Variants in ERBIN observed in about 807,000 individuals in gnomAD.
The protein encoded by ERBIN is densin-180-like protein.
A neutral mutation model predicts 158.4 loss-of-function variants in ERBIN; 60 were observed. That is an observed-to-expected ratio of 0.38 (90% CI 0.31 to 0.47). The LOEUF (loss-of-function observed/expected upper bound fraction) is 0.47, where lower values mean the gene tolerates loss of function less well. Among genes scored for constraint, ERBIN ranks in the 20% least tolerant of loss-of-function variants. The pLI is 0.99. For missense variants in ERBIN, 1,610 were observed against 1,648.0 expected (o/e 0.98, Z 0.40); for synonymous variants, 594 against 557.2 (o/e 1.07, Z -0.93).
chr5:66,022,187 G>A (rs963639618), intron 8 of ERBIN, among the ~76,000 whole-genome samples: 4 of 152,054 alleles, frequency 2.6e-5, no homozygotes, highest in African/African-American at 9.7e-5. Context: ...GTACTTTGGA[G>A]TACCTCATTC....
chr5:65,977,287 G>T (rs1242921277), intron 1 of ERBIN, among the ~76,000 whole-genome samples: 1 of 150,908 alleles, frequency 6.6e-6, no homozygotes, highest in East Asian at 2.0e-4. Context: ...GGCTGGCCGG[G>T]CGGGGGGCTG....
intron 14 of ERBIN, among the ~76,000 whole-genome samples, chr5:66,031,328 T>G (rs1756852015): frequency 6.6e-6 from 1 of 152,234 alleles, no homozygotes; most frequent in Non-Finnish European, 1.5e-5. Flanking sequence ...CCTCATCCAT[T>G]TTGTGATTCT....
In ERBIN at chr5:66,013,582, A is replaced by T. The variant is rs1305229606; in HGVS notation, c.420A>T (p.Leu140=). The T allele has an allele frequency of 6.2e-7, 1 of 1,613,380 alleles. No homozygotes were observed. Residue 140 remains leucine, a synonymous_variant, in exon 6 of 26, where the codon CTA becomes CTT. Coordinates refer to ENST00000284037, the MANE Select transcript of ERBIN (RefSeq NM_001253697.2). ...ATGGATTTTCTCAGCTGTTAAACCTAACCCAGTTGTATCTGAATGATGCTT... is the reference window on the plus strand; with the variant it reads ...ATGGATTTTCTCAGCTGTTAAACCTTACCCAGTTGTATCTGAATGATGCTT... ...LPDGFSQLLN[L]TQLYLNDAFL...
chr5:65,935,790 T>C (rs1317620610), intron 1 of ERBIN, among the ~76,000 whole-genome samples: 1 of 152,198 alleles, frequency 6.6e-6, no homozygotes, highest in Admixed American at 6.5e-5. Flanking sequence ...AGTGGCATGA[T>C]CACTGCTCAC....
intron 11 of ERBIN, 23 bp downstream of exon 11, chr5:66,025,575 C>A (rs768100323): frequency 9.7e-6 from 15 of 1,540,576 alleles, no homozygotes; most frequent in Middle Eastern, 3.5e-4. Context: ...TGAATGTATA[C>A]ACCCTCGAAG....
chr5:66,070,725 CAA>C (rs376061418), intron 21 of ERBIN, among the ~76,000 whole-genome samples: 123 of 152,254 alleles, frequency 8.1e-4, no homozygotes, highest in African/African-American at 2.6e-3. Flanking sequence ...CATAAATACA[CAA>C]AATTAGATCA....
At chr5:66,021,470 AT>A (rs1755679301) in intron 8 of ERBIN, 85 bp downstream of exon 8, 1 of 1,024,590 alleles carries the variant, frequency 9.8e-7, no homozygotes, top group Admixed American at 2.6e-5. Context: ...TCTCTTACAA[AT>A]TGGATAAAGG....
intron 1 of ERBIN, among the ~76,000 whole-genome samples, chr5:65,936,943 C>T (rs1744163347): frequency 6.6e-6 from 1 of 152,052 alleles, no homozygotes; most frequent in Non-Finnish European, 1.5e-5. Flanking sequence ...GCATTTTTGA[C>T]CAAAATGGGT....
chr5:66,041,253 C>A (rs1757892324), intron 15 of ERBIN, among the ~76,000 whole-genome samples: 1 of 151,920 alleles, frequency 6.6e-6, no homozygotes, highest in African/African-American at 2.4e-5. Flanking sequence ...TTTGGAAGAA[C>A]AGGTGTAGTG....
chr5:65,939,428 C>T (rs1358357347), intron 1 of ERBIN, among the ~76,000 whole-genome samples: 1 of 152,136 alleles, frequency 6.6e-6, no homozygotes, highest in African/African-American at 2.4e-5. Context: ...CAGGATGAGA[C>T]TCCATCTCCA....
chr5:66,065,649 GTGTGTGTGTGTT>G (rs1348099607), intron 21 of ERBIN, among the ~76,000 whole-genome samples: 1 of 97,902 alleles, frequency 1.0e-5, no homozygotes, highest in East Asian at 3.2e-4. Flanking sequence ...GTGTGTGTGT[GTGTGTGTGTGTT>G]TTGCTTTGTA....
chr5:66,032,498 A>G (rs538565859), intron 14 of ERBIN, among the ~76,000 whole-genome samples: 1 of 152,230 alleles, frequency 6.6e-6, no homozygotes, highest in Non-Finnish European at 1.5e-5. Context: ...TGTTCATTCT[A>G]GTCATGATCA....
intron 1 of ERBIN, among the ~76,000 whole-genome samples, chr5:65,972,486 A>T (rs926942488): frequency 1.5e-4 from 22 of 151,594 alleles, no homozygotes; most frequent in African/African-American, 5.1e-4. Flanking sequence ...ACTTGGCACT[A>T]AGCACCCCAT....
At chr5:66,072,468 T>C (rs1761618386) in intron 22 of ERBIN, among the ~76,000 whole-genome samples, 177 bp downstream of exon 22, 2 of 152,258 alleles carry the variant, frequency 1.3e-5, no homozygotes, top group Non-Finnish European at 2.9e-5. Flanking sequence ...CTGTCTACTA[T>C]TTCTCAGTTC....
Position 66,067,938 on chromosome 5 carries a change from C to A in ERBIN, c.3634-4231C>A, listed in dbSNP as rs187258239. Reference sequence around the variant, plus strand: ...CCAGCCTGGGTAACATAGCAAGACCCATGTCTCTTTAAAAAATAAAATTAA... The same window carrying A: ...CCAGCCTGGGTAACATAGCAAGACCAATGTCTCTTTAAAAAATAAAATTAA... On this transcript the variant is annotated intron_variant, in intron 21 of 25. Coordinates refer to ENST00000284037, the MANE Select transcript of ERBIN (RefSeq NM_001253697.2). 2.6e-3 allele frequency among the ~76,000 whole-genome samples: 388 copies of A among 152,144 alleles called. 3 individuals are homozygous for A. Among genetic ancestry groups the A allele is most frequent in the African/African-American group, 9.0e-3 (374 of 41,496 alleles).
chr5:66,058,435 G>C (rs1475428422), intron 21 of ERBIN, among the ~76,000 whole-genome samples: 6 of 151,662 alleles, frequency 4.0e-5, no homozygotes, highest in Admixed American at 3.9e-4. Flanking sequence ...CTGGATATTA[G>C]CCCTTTGTCA....
chr5:66,055,076 TG>T, intron 21 of ERBIN, 125 bp downstream of exon 21: 1 of 1,421,272 alleles, frequency 7.0e-7, no homozygotes, highest in Non-Finnish European at 9.2e-7. Context: ...TCTCTGGTAC[TG>T]GGAATAGAGT....
chr5:66,068,991 A>C (rs1487932827), intron 21 of ERBIN: 7 of 1,534,596 alleles, frequency 4.6e-6, no homozygotes. Context: ...TGTTGCAGAC[A>C]GAAGAGGTTC....
intron 4 of ERBIN, among the ~76,000 whole-genome samples, chr5:66,010,867 C>T (rs990144997): frequency 1.3e-4 from 20 of 152,106 alleles, no homozygotes; most frequent in Admixed American, 3.3e-4. Flanking sequence ...AATGGTAGTC[C>T]ACAAATTATT....
Sources: allele counts gnomAD v4.1 joint callset (sites outside exome capture counted in the v4.1 genomes callset), GRCh38; gene constraint gnomAD v4.1.1; transcripts MANE v1.5; gene names NCBI Gene and HGNC (gene_info 2026-07-23, HGNC 2026-07-21).